The following XIRP2 variants were observed in gnomAD, a reference collection of about 807,000 sequenced individuals.
The protein encoded by XIRP2 is xin actin-binding repeat-containing protein 2.
In XIRP2, 236 loss-of-function variants were observed where a neutral mutation model predicts 277.0. The observed-to-expected ratio is 0.85, with a 90% confidence interval of 0.77 to 0.95. The LOEUF is 0.95. Among genes scored for constraint, XIRP2 ranks in the 40% least tolerant of loss-of-function variants. The pLI is 0.00. For missense variants in XIRP2, 4,640 were observed against 4,157.5 expected, an observed-to-expected ratio of 1.12 and a Z score of -3.19; for synonymous variants, 1,490 against 1,416.5, an observed-to-expected ratio of 1.05 and a Z score of -1.17.
intron 2 of XIRP2, among the ~76,000 whole-genome samples, chr2:166,932,021 C>A (rs1685354197): frequency 6.6e-6 from 1 of 151,942 alleles, no homozygotes; most frequent in Admixed American, 6.6e-5. Context: ...TGATGTTAAC[C>A]ACTTTGTCAA....
At position 167,251,926 on chromosome 2, in the gene XIRP2, G is replaced by A. The variant is rs370428457; in HGVS notation, c.10534G>A (p.Glu3512Lys). Reference protein sequence around the residue: ...SATEMRTTFQEESAFISEAAA... With the variant: ...SATEMRTTFQKESAFISEAAA... ...AACTGAGATGAGAACCACCTTCCAA[G>A]AGGAATCTGCATTTATAAGTGGTAA... The change falls in exon 9 of 11, where the codon GAG becomes AAG. Residue 3512 changes from glutamate to lysine, a missense_variant. By Grantham distance (56) the Glu-to-Lys change is moderately conservative. Transcript: ENST00000409195. The A allele has an allele frequency of 6.4e-7, 1 of 1,562,284 alleles. No individual in the cohort carries two copies. Among genetic ancestry groups the A allele is most frequent in the Non-Finnish European group, 8.6e-7 (1 of 1,160,566 alleles).
At chr2:166,901,510 T>G (rs1253808030) in intron 1 of XIRP2, among the ~76,000 whole-genome samples, 1 of 152,108 alleles carries the variant, frequency 6.6e-6, no homozygotes, top group Non-Finnish European at 1.5e-5. Flanking sequence ...ATGGCTTTCC[T>G]CCTCAACTTG....
intron 3 of XIRP2, among the ~76,000 whole-genome samples, chr2:167,153,866 C>T (rs541971908): frequency 3.8e-4 from 57 of 151,166 alleles, no homozygotes; most frequent in Admixed American, 2.6e-3. Context: ...CCGCAATAAA[C>T]ATACATGTGC....
In XIRP2 at chr2:167,246,946, G is replaced by C. The variant is rs975873936; in HGVS notation, c.5554G>C (p.Val1852Leu). 6.2e-7 allele frequency: 1 copy of C among 1,613,350 alleles called. No individual in the cohort carries two copies. Among genetic ancestry groups the C allele is most frequent in the African/African-American group, 1.3e-5 (1 of 74,866 alleles). Residue 1852 changes from valine (V) to leucine (L), a missense_variant, in exon 9 of 11, where the codon GTA becomes CTA. Transcript: ENST00000409195. ...TSTLNSLSQA[V>L]NQKTVTKTEE... ...AACCCTAAATTCCCTCAGCCAGGCT[G>C]TAAATCAGAAAACAGTGACGAAAAC...
At chr2:167,104,512 T>TA (rs1690565333) in intron 2 of XIRP2, among the ~76,000 whole-genome samples, 1 of 152,126 alleles carries the variant, frequency 6.6e-6, no homozygotes, top group African/African-American at 2.4e-5. Flanking sequence ...TAAAATAAAA[T>TA]ACTGGCCTGA....
chr2:167,193,522 C>A (rs1693409756), intron 3 of XIRP2, among the ~76,000 whole-genome samples: 1 of 152,134 alleles, frequency 6.6e-6, no homozygotes, highest in Non-Finnish European at 1.5e-5. Flanking sequence ...GAATAGCCCT[C>A]AAATAACAAC....
Position 167,202,362 on chromosome 2 carries a change from T to G in XIRP2, c.563-8373T>G, listed in dbSNP as rs565083510. Among the ~76,000 whole-genome samples, 4 of 152,344 alleles carry G rather than the reference T, an allele frequency of 2.6e-5. No individual in the cohort carries two copies. The East Asian group carries it at 7.7e-4, about 29-fold the overall frequency. ...ATGATTACCTAACTTCTGATTAAAT[T>G]TTCTTAATTCATAACTGCTCTAGTA... On this transcript the variant is annotated intron_variant, in intron 3 of 10. Coordinates refer to ENST00000409195, the MANE Select transcript of XIRP2 (RefSeq NM_152381.6).
intron 2 of XIRP2, among the ~76,000 whole-genome samples, chr2:166,922,788 C>A: frequency 6.6e-6 from 1 of 150,538 alleles, no homozygotes. Context: ...AACTAGAAAT[C>A]CAGTTATTTT....
intron 2 of XIRP2, among the ~76,000 whole-genome samples, chr2:167,024,002 G>T (rs368001896): frequency 6.6e-6 from 1 of 152,056 alleles, no homozygotes; most frequent in Non-Finnish European, 1.5e-5. Context: ...GAAAGTCATT[G>T]GTAGCTTGAT....
chr2:167,096,840 T>A (rs1574252154), intron 2 of XIRP2, among the ~76,000 whole-genome samples: 1 of 152,150 alleles, frequency 6.6e-6, no homozygotes, highest in Non-Finnish European at 1.5e-5. Context: ...TGAGTTTCCA[T>A]GTAGTTGTGT....
At chr2:167,118,437 G>A (rs144097242) in intron 2 of XIRP2, among the ~76,000 whole-genome samples, 6 of 150,060 alleles carry the variant, frequency 4.0e-5, no homozygotes, top group African/African-American at 1.2e-4. Flanking sequence ...AGCCAAGATC[G>A]GGCCACCGCA....
At chr2:167,059,494 A>ATAAAATAAAATAAAATAAAATAAAT (rs1689127191) in intron 2 of XIRP2, among the ~76,000 whole-genome samples, 1 of 151,844 alleles carries the variant, frequency 6.6e-6, no homozygotes, top group African/African-American at 2.4e-5. Context: ...ATAAAATAAA[A>ATAAAATAAAATAAAATAAAATAAAT]CCTGTTCTTA....
chr2:167,162,879 G>C (rs1003250298), intron 3 of XIRP2, among the ~76,000 whole-genome samples: 6 of 151,980 alleles, frequency 3.9e-5, no homozygotes, highest in African/African-American at 1.5e-4. Context: ...ATATATCTTA[G>C]TTTTGCTTAT....
At chr2:166,987,414 T>C (rs1362944515) in intron 2 of XIRP2, among the ~76,000 whole-genome samples, 1 of 152,180 alleles carries the variant, frequency 6.6e-6, no homozygotes, top group East Asian at 1.9e-4. Context: ...TCCAGGCTAT[T>C]GGACATGTCT....
At chr2:166,918,662 C>T (rs1558915988) in intron 2 of XIRP2, among the ~76,000 whole-genome samples, 1 of 152,030 alleles carries the variant, frequency 6.6e-6, no homozygotes, top group East Asian at 1.9e-4. Context: ...GTGGAAACTT[C>T]CACCAAATCC....
chr2:167,140,866 T>C (rs772113630), intron 3 of XIRP2: 3 of 152,208 alleles, frequency 2.0e-5, no homozygotes, highest in Non-Finnish European at 4.4e-5. Flanking sequence ...CTCCCACATG[T>C]TCCTTTTAGT....
At chr2:167,120,435 C>G (rs1400008751) in intron 2 of XIRP2, among the ~76,000 whole-genome samples, 2 of 152,102 alleles carry the variant, frequency 1.3e-5, no homozygotes, top group Non-Finnish European at 1.5e-5. Context: ...GATTCACAAT[C>G]CTAGCTTTGA....
Position 167,258,338 on chromosome 2 carries a change from C to G in XIRP2, c.*521C>G, listed in dbSNP as rs1461296353. 6.2e-7 allele frequency: 1 copy of G among 1,613,272 alleles called. No individual in the cohort carries two copies. The highest frequency in any genetic ancestry group is 8.5e-7 in the Non-Finnish European group (1 of 1,179,656). ...TAAAGGACAAAGACAAGATCACTTT[C>G]CATTTTTGCAGCCTTATCTACAGTC... On this transcript the variant is annotated 3_prime_UTR_variant, in exon 11 of 11. Transcript: ENST00000409195.
At chr2:167,060,062 C>T (rs1006042903) in intron 2 of XIRP2, among the ~76,000 whole-genome samples, 3 of 152,128 alleles carry the variant, frequency 2.0e-5, no homozygotes, top group Non-Finnish European at 4.4e-5. Flanking sequence ...GCTAATGTCA[C>T]AGGAAGTTGA....
Sources: allele counts gnomAD v4.1 joint callset (sites outside exome capture counted in the v4.1 genomes callset), GRCh38; gene constraint gnomAD v4.1.1; transcripts MANE v1.5; gene names NCBI Gene and HGNC (gene_info 2026-07-23, HGNC 2026-07-21).